Variants in CTNND2 observed in about 807,000 individuals in gnomAD.
The protein encoded by CTNND2 is catenin delta-2.
A neutral mutation model predicts 144.4 loss-of-function variants in CTNND2; 22 were observed. The ratio of observed to expected loss-of-function variants is 0.15; its 90% CI spans 0.11 to 0.22. CTNND2 has a LOEUF of 0.22. Ranked by LOEUF, CTNND2 falls within the 10% of genes least tolerant of loss-of-function variation. The pLI, the probability that CTNND2 is intolerant of heterozygous loss-of-function variation, is 1.00. For missense variants in CTNND2, 1,353 were observed against 1,618.8 expected (o/e 0.84, Z 2.82); for synonymous variants, 751 against 695.6 (o/e 1.08, Z -1.25).
chr5:11,469,847 A>G (rs1159095889), intron 3 of CTNND2, among the ~76,000 whole-genome samples: 3 of 152,024 alleles, frequency 2.0e-5, no homozygotes, highest in Admixed American at 1.3e-4. Flanking sequence ...TCAGGGATTA[A>G]GTGCTATTAA....
At chr5:11,132,472 C>G (rs1755718992) in intron 12 of CTNND2, among the ~76,000 whole-genome samples, 2 of 152,162 alleles carry the variant, frequency 1.3e-5, no homozygotes, top group African/African-American at 4.8e-5. Flanking sequence ...AAAGGGGACT[C>G]CGAGACTCTT....
intron 1 of CTNND2, among the ~76,000 whole-genome samples, chr5:11,748,552 T>C (rs901579424): frequency 2.0e-5 from 3 of 152,100 alleles, no homozygotes; most frequent in Admixed American, 1.3e-4. Flanking sequence ...GCCAATTTGT[T>C]TTCTGTTTTC....
At position 10,992,598 on chromosome 5, in the gene CTNND2, C is replaced by T. The variant is rs758417040; in HGVS notation, c.3164G>A (p.Arg1055His). The change falls in exon 19 of 22, where the codon CGC (arginine) becomes CAC (histidine). Residue 1055 changes from arginine (R) to histidine (H), a missense_variant. By Grantham distance (29) the Arg-to-His change is conservative. Around this residue, in one of 4 missense-constraint regions of CTNND2, gnomAD observed 459 missense variants for 674.3 expected, o/e 0.68. Coordinates refer to ENST00000304623, the MANE Select transcript of CTNND2 (RefSeq NM_001332.4). ...GCGCACAGGGGAGATGGAGGGCGTG[C>T]GGGAGGAGGAGTAGGGCCTTTGCCG... The part of the protein sequence containing the change: ...RDRQRPYSSS[R>H]TPSISPVRVS... 1.1e-5 allele frequency: 17 copies of T among 1,613,706 alleles called. No homozygotes were observed. Among genetic ancestry groups the T allele is most frequent in the East Asian group, 2.2e-5 (1 of 44,862 alleles).
intron 2 of CTNND2, among the ~76,000 whole-genome samples, chr5:11,655,003 G>A (rs1237841232): frequency 6.6e-6 from 1 of 152,022 alleles, no homozygotes; most frequent in Non-Finnish European, 1.5e-5. Context: ...CAACGGTGGG[G>A]AGCACTGGTT....
chr5:11,105,323 A>G (rs780183016), intron 14 of CTNND2, among the ~76,000 whole-genome samples: 2 of 152,214 alleles, frequency 1.3e-5, no homozygotes, highest in Admixed American at 1.3e-4. Flanking sequence ...ATCTAGTCCA[A>G]TGGTCTCAAC....
At chr5:11,595,701 G>A (rs1469518688) in intron 2 of CTNND2, among the ~76,000 whole-genome samples, 2 of 152,148 alleles carry the variant, frequency 1.3e-5, no homozygotes, top group African/African-American at 4.8e-5. Context: ...TGGCATACCT[G>A]ATGTTGTAAA....
At chr5:11,684,219 A>G (rs1243525169) in intron 2 of CTNND2, among the ~76,000 whole-genome samples, 1 of 151,698 alleles carries the variant, frequency 6.6e-6, no homozygotes, top group Non-Finnish European at 1.5e-5. Context: ...CTCCTGCCTC[A>G]GCCTCCCGAG....
intron 1 of CTNND2, among the ~76,000 whole-genome samples, chr5:11,781,904 G>A (rs1191554566): frequency 6.6e-6 from 1 of 152,086 alleles, no homozygotes; most frequent in Non-Finnish European, 1.5e-5. Flanking sequence ...GCCTATACTT[G>A]GGCATCATCT....
chr5:11,566,001 T>C (rs186060049), intron 2 of CTNND2, among the ~76,000 whole-genome samples: 171 of 152,280 alleles, frequency 1.1e-3, no homozygotes, highest in African/African-American at 4.0e-3. Context: ...TACTGAAAAA[T>C]AGCTCAGGAG....
rs990190867 is a variant in CTNND2, at chr5:11,437,591, G to C, written c.288-25522C>G. Among the ~76,000 whole-genome samples, 11 of 152,206 alleles carry C rather than the reference G, an allele frequency of 7.2e-5. No homozygotes were observed. The South Asian group carries it at 1.2e-3, about 17-fold the overall frequency. On this transcript the variant is annotated intron_variant, in intron 3 of 21. Coordinates refer to ENST00000304623, the MANE Select transcript of CTNND2 (RefSeq NM_001332.4). Reference sequence around the variant, plus strand: ...AGGGATAGGGATGTGGTTTGAGCTTGAATTGGGCATAATAAGGGAAAGAGC... The same window carrying C: ...AGGGATAGGGATGTGGTTTGAGCTTCAATTGGGCATAATAAGGGAAAGAGC...
chr5:11,497,020 G>A (rs1770018946), intron 3 of CTNND2, among the ~76,000 whole-genome samples: 1 of 152,108 alleles, frequency 6.6e-6, no homozygotes, highest in South Asian at 2.1e-4. Context: ...TTTGGTCATA[G>A]TTAGGGAGTA....
intron 9 of CTNND2, among the ~76,000 whole-genome samples, chr5:11,319,551 C>A (rs990536274): frequency 2.0e-5 from 3 of 152,094 alleles, no homozygotes; most frequent in Non-Finnish European, 4.4e-5. Flanking sequence ...GACAGAGTCT[C>A]ACTCTGTCGC....
chr5:11,605,708 T>G (rs1780008905), intron 2 of CTNND2, among the ~76,000 whole-genome samples: 1 of 151,708 alleles, frequency 6.6e-6, no homozygotes, highest in African/African-American at 2.4e-5. Flanking sequence ...CAGTGAGGAG[T>G]CTTTTGTAAC....
chr5:11,725,685 A>G (rs1786977762), intron 2 of CTNND2, among the ~76,000 whole-genome samples: 1 of 152,226 alleles, frequency 6.6e-6, no homozygotes, highest in African/African-American at 2.4e-5. Flanking sequence ...AATAATCATT[A>G]GAGGAAAAAT....
In CTNND2 at chr5:11,022,846, G is replaced by A. The variant is rs1341164947; in HGVS notation, c.2922C>T (p.Asn974=). 1.9e-6 allele frequency: 3 copies of A among 1,614,244 alleles called. No individual in the cohort carries two copies. The highest frequency in any genetic ancestry group is 2.2e-5 in the South Asian group (2 of 91,088). Residue 974 remains asparagine (N), a synonymous_variant, in exon 17 of 22, where the codon AAC becomes AAT. Coordinates refer to ENST00000304623, the MANE Select transcript of CTNND2 (RefSeq NM_001332.4). ...CCTLHEVITK[N]MENAKALRDA... is the part of the protein sequence containing the mutation. The stretch of plus-strand genomic sequence containing the variant: ...CCCGTAAGGCCTTGGCGTTCTCCAT[G>A]TTCTTGGTAATCACTTCGTGCAGTG...
At chr5:11,075,418 T>C (rs940650466) in intron 16 of CTNND2, among the ~76,000 whole-genome samples, 17 of 152,200 alleles carry the variant, frequency 1.1e-4, no homozygotes, top group African/African-American at 3.6e-4. Context: ...GCCTCCCCAA[T>C]GTGGTGAAGC....
chr5:11,085,728 A>C (rs1480802040), intron 15 of CTNND2, among the ~76,000 whole-genome samples: 1 of 152,186 alleles, frequency 6.6e-6, no homozygotes, highest in Non-Finnish European at 1.5e-5. Flanking sequence ...CTGGGGAAAG[A>C]AAGGATGCAG....
chr5:11,392,140 GCAATGGATT>G (rs1759687069), intron 6 of CTNND2, among the ~76,000 whole-genome samples: 1 of 152,164 alleles, frequency 6.6e-6, no homozygotes, highest in African/African-American at 2.4e-5. Context: ...GAAGGAGGCG[GCAATGGATT>G]CATTTTCCCC....
intron 1 of CTNND2, among the ~76,000 whole-genome samples, chr5:11,779,274 A>G (rs972130080): frequency 5.9e-5 from 9 of 152,166 alleles, no homozygotes; most frequent in Non-Finnish European, 1.3e-4. Flanking sequence ...TTCAACAACT[A>G]TTTTTGTCTT....
Sources: gnomAD v4.1 joint callset for allele counts (sites outside exome capture counted in the v4.1 genomes callset) on GRCh38, gnomAD v4.1.1 for gene constraint, gnomAD v4.1.1 regional missense constraint, MANE v1.5 for transcripts, NCBI Gene and HGNC (gene_info 2026-07-23, HGNC 2026-07-21) for gene names.